The following CNOT10 variants were observed in gnomAD, a reference collection of about 807,000 sequenced individuals.
CNOT10 encodes CCR4-NOT transcription complex, subunit 10.
CNOT10 carries 30 observed loss-of-function variants against 94.6 expected under a neutral mutation model. That is an observed-to-expected ratio of 0.32 (90% CI 0.24 to 0.43). CNOT10 has a LOEUF of 0.43. Ranked by LOEUF, CNOT10 falls within the 20% of genes least tolerant of loss-of-function variation. The pLI is 1.00. For missense variants in CNOT10, 759 were observed against 877.2 expected (o/e 0.87, Z 1.70); for synonymous variants, 289 against 301.6 (o/e 0.96, Z 0.43).
intron 14 of CNOT10, 45 bp downstream of exon 14, chr3:32,759,616 A>G: frequency 7.2e-7 from 1 of 1,390,540 alleles, no homozygotes; most frequent in African/African-American, 1.4e-5. Flanking sequence ...TTTAGTTTTG[A>G]GGTTTCTCCT....
At position 32,765,002 on chromosome 3, in the gene CNOT10, A is replaced by G. The variant is rs193133168; in HGVS notation, c.2004+193A>G. ...GTAAATGAACCTAGACACTTAAAGG[A>G]AAGTTCTTCTTGATGATTTTATTTT... On this transcript the variant is annotated intron_variant, in intron 17 of 18. Coordinates refer to ENST00000328834, the MANE Select transcript of CNOT10 (RefSeq NM_015442.3). 397 of 1,514,058 alleles carry G rather than the reference A, an allele frequency of 2.6e-4. 1 individual carries two copies. The highest frequency in any genetic ancestry group is 4.6e-4 in the South Asian group (38 of 82,512). 93.8% of individuals were successfully genotyped at this position (1,514,058 alleles called of 1,614,324 possible).
chr3:32,722,245 C>T (rs1698455776), intron 8 of CNOT10, among the ~76,000 whole-genome samples: 1 of 152,140 alleles, frequency 6.6e-6, no homozygotes, highest in South Asian at 2.1e-4. Context: ...ATACTGAGAC[C>T]TTCCCCTATT....
At chr3:32,747,574 C>T (rs1488684672) in intron 13 of CNOT10, among the ~76,000 whole-genome samples, 1 of 151,056 alleles carries the variant, frequency 6.6e-6, no homozygotes, top group Admixed American at 6.6e-5. Context: ...ACAAAAAAAT[C>T]TGTACCACAA....
intron 8 of CNOT10, among the ~76,000 whole-genome samples, chr3:32,724,009 G>A (rs983221232): frequency 2.0e-5 from 3 of 152,144 alleles, no homozygotes; most frequent in East Asian, 1.9e-4. Context: ...GAGCCCAGGA[G>A]GTCGATGCTG....
At chr3:32,733,723 A>G (rs1699057386) in intron 11 of CNOT10, among the ~76,000 whole-genome samples, 179 bp downstream of exon 11, 4 of 152,146 alleles carry the variant, frequency 2.6e-5, no homozygotes, top group Admixed American at 1.3e-4. Flanking sequence ...AATGTTATCT[A>G]ACATGATTTT....
At chr3:32,764,948 T>C in intron 17 of CNOT10, 139 bp downstream of exon 17, 1 of 1,498,616 alleles carries the variant, frequency 6.7e-7, no homozygotes, top group East Asian at 2.4e-5. Flanking sequence ...ATAAAAATAT[T>C]CTTGCAAGGT....
rs190792130 is a variant in CNOT10, at chr3:32,721,351, C to T, written c.862+1120C>T. ...TGCTGGGATTACAAGTGTGAGCCAC[C>T]GCACCTGGCCCTTTCATTTGTTTTT... On this transcript the variant is annotated intron_variant, in intron 8 of 18. Coordinates refer to ENST00000328834, the MANE Select transcript of CNOT10 (RefSeq NM_015442.3). Among the ~76,000 whole-genome samples, 57 of 150,582 alleles carry T rather than the reference C, an allele frequency of 3.8e-4. No homozygotes were observed. The East Asian group carries it at 1.0e-2, about 26-fold the overall frequency.
chr3:32,753,792 C>G (rs561032910), intron 13 of CNOT10: 1 of 1,597,280 alleles, frequency 6.3e-7, no homozygotes, highest in Non-Finnish European at 8.6e-7. Context: ...GTGCCATGAA[C>G]AGATCCTTTA....
chr3:32,716,710 C>T (rs371462545), intron 6 of CNOT10, among the ~76,000 whole-genome samples: 65 of 152,236 alleles, frequency 4.3e-4, no homozygotes, highest in African/African-American at 1.4e-3. Flanking sequence ...TGCAATGGTG[C>T]GATCTCGGCT....
chr3:32,724,538 G>A (rs992948386), intron 8 of CNOT10, among the ~76,000 whole-genome samples: 5 of 150,990 alleles, frequency 3.3e-5, no homozygotes, highest in South Asian at 2.1e-4. Flanking sequence ...TCAGCCTCCC[G>A]AGTAGCTGGG....
intron 1 of CNOT10, among the ~76,000 whole-genome samples, chr3:32,698,567 G>A (rs1330213122): frequency 6.6e-6 from 1 of 152,102 alleles, no homozygotes; most frequent in Admixed American, 6.6e-5. Flanking sequence ...TTTAGTTCTG[G>A]TGAAAGGAAA....
intron 13 of CNOT10, among the ~76,000 whole-genome samples, chr3:32,744,512 A>G (rs1385973641): frequency 2.0e-5 from 3 of 152,156 alleles, no homozygotes; most frequent in Admixed American, 6.6e-5. Flanking sequence ...ATTTCATTCT[A>G]ACCAATTTAC....
chr3:32,705,066 G>T, intron 3 of CNOT10, 94 bp downstream of exon 3: 28 of 829,090 alleles, frequency 3.4e-5, no homozygotes, highest in South Asian at 2.0e-4. Flanking sequence ...TGATTTGTCT[G>T]GTATTTCTTG....
At chr3:32,736,772 C>T (rs565849513) in intron 12 of CNOT10, among the ~76,000 whole-genome samples, 2 of 152,134 alleles carry the variant, frequency 1.3e-5, no homozygotes, top group African/African-American at 4.8e-5. Flanking sequence ...CTCAAAAACC[C>T]AGTCTCAAGA....
At chr3:32,721,067 T>C (rs1238020897) in intron 8 of CNOT10, among the ~76,000 whole-genome samples, 1 of 139,634 alleles carries the variant, frequency 7.2e-6, no homozygotes, top group African/African-American at 2.6e-5. Flanking sequence ...TTTCTTTTTT[T>C]TTTTTTTTTT....
intron 13 of CNOT10, chr3:32,753,343 A>G: frequency 1.6e-6 from 2 of 1,214,148 alleles, no homozygotes; most frequent in Middle Eastern, 2.3e-4. Flanking sequence ...ACTGGTATCA[A>G]ACAGAATCGC....
intron 14 of CNOT10, among the ~76,000 whole-genome samples, 189 bp downstream of exon 14, chr3:32,759,760 C>T (rs1200220921): frequency 6.6e-6 from 1 of 152,140 alleles, no homozygotes; most frequent in African/African-American, 2.4e-5. Flanking sequence ...CTGTACTGAG[C>T]GTTAGGAGAC....
intron 1 of CNOT10, among the ~76,000 whole-genome samples, chr3:32,696,878 C>T (rs1314925856): frequency 6.6e-6 from 1 of 151,840 alleles, no homozygotes; most frequent in Non-Finnish European, 1.5e-5. Flanking sequence ...GTGTCCAGCC[C>T]AGCTTATATA....
At chr3:32,733,054 A>C (rs959655736) in intron 10 of CNOT10, among the ~76,000 whole-genome samples, 1 of 152,032 alleles carries the variant, frequency 6.6e-6, no homozygotes, top group Non-Finnish European at 1.5e-5. Flanking sequence ...TTTCTTTTAC[A>C]CTATTTTGGG....
Sources: gnomAD v4.1 joint callset for allele counts (sites outside exome capture counted in the v4.1 genomes callset) on GRCh38, gnomAD v4.1.1 for gene constraint, MANE v1.5 for transcripts, NCBI Gene and HGNC (gene_info 2026-07-23, HGNC 2026-07-21) for gene names.